The following HPCAL1 variants were observed in gnomAD, a reference collection of about 807,000 sequenced individuals.
The protein encoded by HPCAL1 is hippocalcin-like protein 1.
A neutral mutation model predicts 17.1 loss-of-function variants in HPCAL1; 8 were observed. That is an observed-to-expected ratio of 0.47 (90% CI 0.27 to 0.84). The LOEUF is 0.84. HPCAL1 is among the 40% of genes least tolerant of loss of function. The probability of loss-of-function intolerance (pLI) is 0.13; values close to 1 mark genes in which losing one functional copy is unlikely to be tolerated. For missense variants in HPCAL1, 165 were observed against 271.1 expected (o/e 0.61, Z 2.75); for synonymous variants, 112 against 111.4 (o/e 1.01, Z -0.03).
Position 10,310,742 on chromosome 2 carries a change from T to A in HPCAL1, c.-111+7565T>A, listed in dbSNP as rs927802457. On this transcript the variant is annotated intron_variant, in intron 1 of 4. Transcript: ENST00000307845. The surrounding 1 kb of genome is among the most constrained non-coding windows in gnomAD (Gnocchi z 4.5). Reference sequence around the variant, plus strand: ...GGATCGGGTCTGGGAGTGTTCGTGCTGGCAGGCCGGAGGAGGACTGCTGGG... The same window carrying A: ...GGATCGGGTCTGGGAGTGTTCGTGCAGGCAGGCCGGAGGAGGACTGCTGGG... Among the ~76,000 whole-genome samples, 7 of 152,174 alleles carry A rather than the reference T, an allele frequency of 4.6e-5. No individual in the cohort carries two copies. Among genetic ancestry groups the A allele is most frequent in the Non-Finnish European group, 1.0e-4 (7 of 68,026 alleles).
chr2:10,306,696 A>G (rs1282724597), intron 1 of HPCAL1, among the ~76,000 whole-genome samples: 2 of 152,224 alleles, frequency 1.3e-5, no homozygotes, highest in Admixed American at 1.3e-4. Context: ...CAGGTAATCA[A>G]TACGGTTTGA....
rs571960005 is a variant in HPCAL1, at chr2:10,350,055, T to C, written c.-110-46780T>C. Among the ~76,000 whole-genome samples the C allele has an allele frequency of 5.1e-4, 78 of 152,328 alleles. 1 individual carries two copies. The highest frequency in any genetic ancestry group is 8.1e-4 in the Non-Finnish European group (55 of 68,036). On this transcript the variant is annotated intron_variant, in intron 1 of 4. Coordinates refer to ENST00000307845, the MANE Select transcript of HPCAL1 (RefSeq NM_002149.4). ...CTTCCCCCAAACATTCAACTCTGTT[T>C]CATAAAACCAACTCCTTTTAATTCC... is the stretch of plus-strand genomic sequence containing the variant.
chr2:10,369,383 T>G (rs1366071640), intron 1 of HPCAL1, among the ~76,000 whole-genome samples: 2 of 152,188 alleles, frequency 1.3e-5, no homozygotes, highest in Non-Finnish European at 2.9e-5. Context: ...CTCTCGGGAT[T>G]TTTTCTGGCC....
Position 10,362,784 on chromosome 2 carries a change from A to G in HPCAL1, c.-110-34051A>G, listed in dbSNP as rs2125491777. On this transcript the variant is annotated intron_variant, in intron 1 of 4. Transcript: ENST00000307845. The surrounding 1 kb of genome is among the most constrained non-coding windows in gnomAD (Gnocchi z 5.0). ...GAGGGCAGCCAGAAGCCCCTGCATC[A>G]GGTAGGAGTGCTGAGTCATGAGATT... 6.6e-6 allele frequency among the ~76,000 whole-genome samples: 1 copy of G among 152,336 alleles called. No individual in the cohort carries two copies. The highest frequency in any genetic ancestry group is 2.1e-4 in the South Asian group (1 of 4,828).
At chr2:10,383,387 G>A (rs761656954) in intron 1 of HPCAL1, among the ~76,000 whole-genome samples, 8 of 151,330 alleles carry the variant, frequency 5.3e-5, no homozygotes, top group East Asian at 2.0e-4. Context: ...TTTTCAGACC[G>A]CATCTTGCTC....
chr2:10,360,874 C>T (rs1666481712), intron 1 of HPCAL1, among the ~76,000 whole-genome samples: 1 of 151,708 alleles, frequency 6.6e-6, no homozygotes, highest in Admixed American at 6.6e-5. Context: ...CTGCTTGCTC[C>T]ATCCTCCCCT....
At chr2:10,361,179 T>TG (rs879647352) in intron 1 of HPCAL1, among the ~76,000 whole-genome samples, 1 of 149,698 alleles carries the variant, frequency 6.7e-6, no homozygotes, top group Non-Finnish European at 1.5e-5. Context: ...GGCGAGTCCG[T>TG]GGGCTCCTGG....
intron 4 of HPCAL1, chr2:10,426,085 G>A (rs1331549615): frequency 3.9e-5 from 6 of 152,292 alleles, no homozygotes; most frequent in Admixed American, 3.9e-4. Context: ...CCTAGGCCAC[G>A]AGCCTCCAGA....
intron 1 of HPCAL1, among the ~76,000 whole-genome samples, chr2:10,338,305 C>T (rs772953174): frequency 3.9e-5 from 6 of 152,032 alleles, no homozygotes; most frequent in African/African-American, 9.7e-5. Context: ...ATCACTGAAT[C>T]GTACCCCTTA....
At position 10,304,532 on chromosome 2, in the gene HPCAL1, G is replaced by T. The variant is rs1022430908; in HGVS notation, c.-111+1355G>T. Among the ~76,000 whole-genome samples the T allele has an allele frequency of 9.9e-5, 15 of 152,190 alleles. No homozygotes were observed. The highest frequency in any genetic ancestry group is 1.8e-4 in the Non-Finnish European group (12 of 68,048). On this transcript the variant is annotated intron_variant, in intron 1 of 4. Transcript: ENST00000307845. This position sits in a 1 kb window ranked among gnomAD's most constrained non-coding sequence, Gnocchi z 4.1. The stretch of plus-strand genomic sequence containing the variant: ...CCTGCTCCCTTGCAGCCAGCCTCAT[G>T]CCGGGGGTGCCACATGGGACACCTC...
intron 1 of HPCAL1, among the ~76,000 whole-genome samples, chr2:10,318,348 G>A (rs970729049): frequency 7.1e-6 from 1 of 141,278 alleles, no homozygotes; most frequent in African/African-American, 2.7e-5. Context: ...CAGAAGTTAC[G>A]TCTTTGCAGT....
In HPCAL1 at chr2:10,314,298, G is replaced by T. The variant is rs571766234; in HGVS notation, c.-111+11121G>T. On this transcript the variant is annotated intron_variant, in intron 1 of 4. Coordinates refer to ENST00000307845, the MANE Select transcript of HPCAL1 (RefSeq NM_002149.4). ...GATTAGGAGAGATTGGTGCAGGGGT[G>T]GGGGGTGGCAGGAAGATATTAAGGT... 1.0e-3 allele frequency among the ~76,000 whole-genome samples: 153 copies of T among 152,186 alleles called. 1 individual carries two copies. Among genetic ancestry groups the T allele is most frequent in the African/African-American group, 3.5e-3 (147 of 41,500 alleles).
At chr2:10,311,327 C>T (rs1405716565) in intron 1 of HPCAL1, among the ~76,000 whole-genome samples, 1 of 152,184 alleles carries the variant, frequency 6.6e-6, no homozygotes, top group Non-Finnish European at 1.5e-5. Context: ...TGTCTTTCTT[C>T]CCAGCGAGTA....
chr2:10,338,834 A>G (rs1664886548), intron 1 of HPCAL1, among the ~76,000 whole-genome samples: 3 of 152,222 alleles, frequency 2.0e-5, no homozygotes, highest in Admixed American at 2.0e-4. Context: ...AGGCAGCCAG[A>G]AGCATGGTGC....
In HPCAL1 at chr2:10,377,672, G is replaced by A. The variant is rs1392049786; in HGVS notation, c.-110-19163G>A. 2.6e-5 allele frequency among the ~76,000 whole-genome samples: 4 copies of A among 152,110 alleles called. No homozygotes were observed. Among genetic ancestry groups the A allele is most frequent in the Non-Finnish European group, 5.9e-5 (4 of 68,018 alleles). ...TGGCACCTCCTGAGCAGCCCTGGCT[G>A]AGCATGCACTCTGAGGGCAGACCCT... On this transcript the variant is annotated intron_variant, in intron 1 of 4. Transcript: ENST00000307845. The surrounding 1 kb of genome is among the most constrained non-coding windows in gnomAD (Gnocchi z 5.9).
intron 1 of HPCAL1, among the ~76,000 whole-genome samples, chr2:10,316,835 T>C (rs1376320369): frequency 1.3e-5 from 2 of 152,214 alleles, no homozygotes; most frequent in South Asian, 2.1e-4. Context: ...CTTTATAGTC[T>C]ACTGTTCATA....
intron 1 of HPCAL1, among the ~76,000 whole-genome samples, chr2:10,356,572 G>T (rs758593553): frequency 5.3e-5 from 8 of 152,154 alleles, no homozygotes; most frequent in Admixed American, 6.5e-5. Context: ...GGAAGATTAA[G>T]TAACCGGTCC....
chr2:10,409,393 C>A (rs558639466), intron 2 of HPCAL1, among the ~76,000 whole-genome samples: 1 of 152,192 alleles, frequency 6.6e-6, no homozygotes, highest in Non-Finnish European at 1.5e-5. Context: ...GCACAGCCTC[C>A]CCGCAATCAC....
chr2:10,335,357 A>G (rs1664651719), intron 1 of HPCAL1, among the ~76,000 whole-genome samples: 2 of 152,196 alleles, frequency 1.3e-5, no homozygotes, highest in South Asian at 2.1e-4. Context: ...AGGCAGGCCT[A>G]GGTGACAAGG....
Sources: allele counts gnomAD v4.1 joint callset (sites outside exome capture counted in the v4.1 genomes callset), GRCh38; gene constraint gnomAD v4.1.1; non-coding constraint Gnocchi (gnomAD v3.1); transcripts MANE v1.5; gene names NCBI Gene and HGNC (gene_info 2026-07-23, HGNC 2026-07-21).